TBC1D22A: variants seen among roughly 807,000 people sequenced by gnomAD.
TBC1D22A encodes TBC1 domain family member 22A.
TBC1D22A carries 38 observed loss-of-function variants against 60.2 expected under a neutral mutation model. That is an observed-to-expected ratio of 0.63 (90% CI 0.49 to 0.83). The LOEUF is 0.83. Ranked by LOEUF, TBC1D22A falls within the 40% of genes least tolerant of loss-of-function variation. The pLI is 0.00. For missense variants in TBC1D22A, 628 were observed against 701.0 expected (o/e 0.90, Z 1.18); for synonymous variants, 302 against 281.7 (o/e 1.07, Z -0.72).
At chr22:47,007,133 T>G (rs935090759) in intron 10 of TBC1D22A, among the ~76,000 whole-genome samples, 3 of 152,188 alleles carry the variant, frequency 2.0e-5, no homozygotes, top group Non-Finnish European at 2.9e-5. Flanking sequence ...CAGAAAAATG[T>G]CACTGTCACA....
At chr22:47,024,334 C>CT (rs1424280262) in intron 10 of TBC1D22A, among the ~76,000 whole-genome samples, 1 of 152,158 alleles carries the variant, frequency 6.6e-6, no homozygotes, top group African/African-American at 2.4e-5. Context: ...TTGGGCCACA[C>CT]TAATAGTAGT....
intron 12 of TBC1D22A, among the ~76,000 whole-genome samples, chr22:47,129,139 G>A (rs2066595445): frequency 6.6e-6 from 1 of 152,180 alleles, no homozygotes; most frequent in South Asian, 2.1e-4. Flanking sequence ...GATCTCCTAG[G>A]AACACATGTT....
intron 7 of TBC1D22A, among the ~76,000 whole-genome samples, chr22:46,901,897 C>T (rs1202939606): frequency 6.6e-6 from 1 of 152,212 alleles, no homozygotes; most frequent in South Asian, 2.1e-4. Flanking sequence ...TGTCACATTG[C>T]TGATGCATAT....
intron 12 of TBC1D22A, among the ~76,000 whole-genome samples, chr22:47,146,116 G>A (rs4823598): frequency 0.64 from 95,828 of 149,060 alleles, 30,993 homozygotes; most frequent in East Asian, 0.78. Context: ...GCGGGGATGT[G>A]CTGGATTGCT....
intron 12 of TBC1D22A, among the ~76,000 whole-genome samples, chr22:47,160,074 TGGAG>T (rs2067913595): frequency 6.6e-6 from 1 of 151,144 alleles, no homozygotes; most frequent in African/African-American, 2.4e-5. Flanking sequence ...GCACGTGAGG[TGGAG>T]GAGGGTGGGG....
chr22:46,857,022 G>T (rs1038077203), intron 4 of TBC1D22A, among the ~76,000 whole-genome samples: 2 of 152,244 alleles, frequency 1.3e-5, no homozygotes, highest in African/African-American at 4.8e-5. Context: ...GATGAAGACT[G>T]GAGTGTTCCC....
chr22:47,040,572 G>T (rs2062807430), intron 11 of TBC1D22A, among the ~76,000 whole-genome samples: 1 of 152,030 alleles, frequency 6.6e-6, no homozygotes. Context: ...TCGGATGGGG[G>T]GTGGGTGGAA....
chr22:46,855,690 G>T (rs1029895193), intron 4 of TBC1D22A, among the ~76,000 whole-genome samples: 4 of 152,146 alleles, frequency 2.6e-5, no homozygotes, highest in Non-Finnish European at 4.4e-5. Flanking sequence ...CCAGGCTCCC[G>T]CAAGATAAAG....
intron 4 of TBC1D22A, among the ~76,000 whole-genome samples, chr22:46,804,043 A>G (rs572136279): frequency 1.3e-5 from 2 of 152,226 alleles, no homozygotes; most frequent in African/African-American, 4.8e-5. Context: ...TTTACTAGGT[A>G]AGTAACTGAC....
chr22:46,782,117 C>T (rs1050660778), intron 1 of TBC1D22A, among the ~76,000 whole-genome samples: 10 of 152,220 alleles, frequency 6.6e-5, no homozygotes, highest in African/African-American at 9.7e-5. Context: ...TGCAGTGGCA[C>T]GATCTCGGCT....
chr22:47,079,511 G>T (rs917594690), intron 11 of TBC1D22A, among the ~76,000 whole-genome samples: 3 of 152,174 alleles, frequency 2.0e-5, no homozygotes, highest in Admixed American at 1.3e-4. Context: ...ACAGGGAAGG[G>T]GTAAATGGAA....
intron 11 of TBC1D22A, among the ~76,000 whole-genome samples, chr22:47,061,486 A>G (rs995249831): frequency 1.3e-5 from 2 of 152,030 alleles, no homozygotes; most frequent in African/African-American, 4.8e-5. Flanking sequence ...AGCCCTTGCT[A>G]CACGAGCAGC....
At chr22:46,894,722 T>C in intron 6 of TBC1D22A, 62 bp from the exon 7 acceptor site, 1 of 1,594,414 alleles carries the variant, frequency 6.3e-7, no homozygotes, top group Non-Finnish European at 8.6e-7. Context: ...GTTTTAATCA[T>C]ATCGCTCGTA....
intron 1 of TBC1D22A, among the ~76,000 whole-genome samples, chr22:46,785,817 G>C (rs1226636105): frequency 1.3e-5 from 2 of 152,194 alleles, no homozygotes; most frequent in Non-Finnish European, 2.9e-5. Context: ...CTGTTGCCCA[G>C]GCTAGAGAGT....
intron 4 of TBC1D22A, among the ~76,000 whole-genome samples, chr22:46,803,182 C>G (rs1012210296): frequency 1.3e-5 from 2 of 152,116 alleles, no homozygotes; most frequent in South Asian, 2.1e-4. Context: ...ACCCCCACCC[C>G]CTTCCTGCGT....
At chr22:46,887,494 A>G (rs969118133) in intron 5 of TBC1D22A, among the ~76,000 whole-genome samples, 2 of 152,262 alleles carry the variant, frequency 1.3e-5, no homozygotes, top group African/African-American at 2.4e-5. Flanking sequence ...GGGAGCTTCA[A>G]GAATCTTTAA....
intron 12 of TBC1D22A, among the ~76,000 whole-genome samples, chr22:47,157,057 C>T (rs148579123): frequency 5.9e-5 from 9 of 152,204 alleles, no homozygotes; most frequent in African/African-American, 2.2e-4. Context: ...GCACTGGGTG[C>T]CCCCGGTGTG....
intron 4 of TBC1D22A, among the ~76,000 whole-genome samples, chr22:46,815,426 T>G (rs2085554405): frequency 6.6e-6 from 1 of 152,228 alleles, no homozygotes; most frequent in African/African-American, 2.4e-5. Context: ...AGTCCTTTAT[T>G]TGGACCTTTG....
At chr22:47,147,435 T>C (rs113680383) in intron 12 of TBC1D22A, among the ~76,000 whole-genome samples, 1 of 152,150 alleles carries the variant, frequency 6.6e-6, no homozygotes, top group African/African-American at 2.4e-5. Context: ...GCCGGCCTGG[T>C]ATATAGCATG....
Sources: allele counts gnomAD v4.1 joint callset (sites outside exome capture counted in the v4.1 genomes callset), GRCh38; gene constraint gnomAD v4.1.1; transcripts MANE v1.5; gene names NCBI Gene and HGNC (gene_info 2026-07-23, HGNC 2026-07-21).